The following SPON1 variants were observed in gnomAD, a reference collection of about 807,000 sequenced individuals.
SPON1 encodes spondin-1.
Under a neutral mutation model 111.7 loss-of-function variants are expected in SPON1, and 52 were observed. The observed-to-expected ratio is 0.47, with a 90% CI of 0.37 to 0.59. The LOEUF (loss-of-function observed/expected upper bound fraction) is 0.59. SPON1 is among the 20% of genes least tolerant of loss of function. SPON1 has a pLI of 0.00. For missense variants in SPON1, 957 were observed against 1,068.5 expected (o/e 0.90, Z 1.46); for synonymous variants, 410 against 395.8 (o/e 1.04, Z -0.43).
At chr11:14,101,352 A>G (rs1849142613) in intron 5 of SPON1, among the ~76,000 whole-genome samples, 1 of 152,188 alleles carries the variant, frequency 6.6e-6, no homozygotes, top group African/African-American at 2.4e-5. Flanking sequence ...GTGAGCAGAG[A>G]TCATGCCATT....
chr11:13,967,361 A>G (rs1554908126), intron 1 of SPON1, among the ~76,000 whole-genome samples: 1 of 152,242 alleles, frequency 6.6e-6, no homozygotes, highest in Non-Finnish European at 1.5e-5. Flanking sequence ...ACAAAGTAAT[A>G]TAAAGTGATA....
chr11:13,963,248 G>C, intron 1 of SPON1, 106 bp downstream of exon 1: 1 of 845,136 alleles, frequency 1.2e-6, no homozygotes. Context: ...CGCGTGGCGC[G>C]GGTGCAGCCC....
intron 2 of SPON1, among the ~76,000 whole-genome samples, chr11:13,991,578 C>T (rs1848230768): frequency 6.6e-6 from 1 of 152,210 alleles, no homozygotes; most frequent in South Asian, 2.1e-4. Flanking sequence ...CTACTTCTGT[C>T]AATTCATCAA....
chr11:14,051,314 C>T (rs897657687), intron 3 of SPON1, among the ~76,000 whole-genome samples: 5 of 152,072 alleles, frequency 3.3e-5, no homozygotes, highest in Admixed American at 6.6e-5. Flanking sequence ...GTGGGAGGAT[C>T]GTTTGAGTCC....
chr11:13,981,089 A>G (rs941581904), intron 1 of SPON1, among the ~76,000 whole-genome samples: 5 of 152,222 alleles, frequency 3.3e-5, no homozygotes, highest in African/African-American at 1.2e-4. Flanking sequence ...ACTTGAATTG[A>G]ACATCTATTA....
intron 3 of SPON1, among the ~76,000 whole-genome samples, chr11:14,054,706 G>T (rs1848731974): frequency 6.6e-6 from 1 of 152,124 alleles, no homozygotes; most frequent in Non-Finnish European, 1.5e-5. Context: ...TGATGGGGGT[G>T]ACTAGGCCAC....
chr11:13,968,243 AAC>A (rs1362749941), intron 1 of SPON1, among the ~76,000 whole-genome samples: 2 of 152,214 alleles, frequency 1.3e-5, no homozygotes, highest in African/African-American at 4.8e-5. Flanking sequence ...CAGAATCCAA[AAC>A]ACAGTGTTTT....
At chr11:14,129,571 A>G (rs1847502805) in intron 5 of SPON1, among the ~76,000 whole-genome samples, 1 of 152,202 alleles carries the variant, frequency 6.6e-6, no homozygotes, top group South Asian at 2.1e-4. Context: ...AGGAAGTTCC[A>G]ATCTATCCCA....
intron 2 of SPON1, among the ~76,000 whole-genome samples, chr11:14,035,623 T>A (rs1187013587): frequency 1.3e-5 from 1 of 75,776 alleles, no homozygotes; most frequent in South Asian, 8.2e-4. Flanking sequence ...TCTTTTTTTT[T>A]TTTTTTTTTT....
intron 2 of SPON1, among the ~76,000 whole-genome samples, chr11:14,024,928 T>G (rs1220416989): frequency 6.6e-6 from 1 of 152,188 alleles, no homozygotes; most frequent in Non-Finnish European, 1.5e-5. Flanking sequence ...TGATTAGAAC[T>G]GAAAAGAATC....
At chr11:14,255,900 T>G in intron 9 of SPON1, 113 bp downstream of exon 9, 1 of 1,169,604 alleles carries the variant, frequency 8.5e-7, no homozygotes, top group Non-Finnish European at 1.2e-6. Flanking sequence ...CACCTCAGGA[T>G]ATGGAATTCC....
At chr11:13,977,747 G>T (rs1848113652) in intron 1 of SPON1, among the ~76,000 whole-genome samples, 1 of 151,858 alleles carries the variant, frequency 6.6e-6, no homozygotes. Flanking sequence ...AGAAATCTTT[G>T]TTACTCCAAG....
rs183689331 is a variant in SPON1 at position 13,974,010 on chromosome 11, C to T, written c.239-8837C>T. On this transcript the variant is annotated intron_variant, in intron 1 of 15. Transcript: ENST00000576479. The stretch of plus-strand genomic sequence containing the variant: ...AACAGCATAATCCAACCCCACCATC[C>T]TCACCTGCTCACTTTTGGATTCTCA... Among the ~76,000 whole-genome samples, 204 of 152,312 alleles carry T rather than the reference C, an allele frequency of 1.3e-3. 1 individual carries two copies. The highest frequency in any genetic ancestry group is 4.7e-3 in the African/African-American group (196 of 41,572).
At chr11:14,144,662 A>AATAATAATAATT (rs1554929138) in intron 6 of SPON1, among the ~76,000 whole-genome samples, 5 of 149,204 alleles carry the variant, frequency 3.4e-5, no homozygotes, top group Non-Finnish European at 7.4e-5. Flanking sequence ...TAATAATAAT[A>AATAATAATAATT]ATAATAATGA....
chr11:13,977,435 T>G (rs79978531), intron 1 of SPON1, among the ~76,000 whole-genome samples: 2 of 152,236 alleles, frequency 1.3e-5, no homozygotes, highest in Admixed American at 6.5e-5. Context: ...ACTACTGAGG[T>G]TGAGAGCCTT....
At chr11:14,217,149 C>T (rs1466711302) in intron 6 of SPON1, among the ~76,000 whole-genome samples, 3 of 152,182 alleles carry the variant, frequency 2.0e-5, no homozygotes, top group Non-Finnish European at 4.4e-5. Context: ...CACTCCAAAG[C>T]AGATCAGATG....
chr11:14,233,441 A>T (rs1163932511), intron 6 of SPON1, among the ~76,000 whole-genome samples: 2 of 151,322 alleles, frequency 1.3e-5, no homozygotes, highest in Admixed American at 6.6e-5. Flanking sequence ...AGGTCATACC[A>T]CTCTTCTGCT....
At chr11:13,984,719 A>C (rs1848169312) in intron 2 of SPON1, among the ~76,000 whole-genome samples, 1 of 152,216 alleles carries the variant, frequency 6.6e-6, no homozygotes, top group Admixed American at 6.5e-5. Context: ...GGCTAAATTC[A>C]GTAAGTTGAT....
At chr11:14,131,015 G>A (rs1847521949) in intron 5 of SPON1, among the ~76,000 whole-genome samples, 1 of 152,160 alleles carries the variant, frequency 6.6e-6, no homozygotes, top group Non-Finnish European at 1.5e-5. Context: ...CTTAATACAT[G>A]TTAACTATTG....
Sources: allele counts gnomAD v4.1 joint callset (sites outside exome capture counted in the v4.1 genomes callset), GRCh38; gene constraint gnomAD v4.1.1; transcripts MANE v1.5; gene names NCBI Gene and HGNC (gene_info 2026-07-23, HGNC 2026-07-21).